Variants in ALPK3 observed in about 807,000 individuals in gnomAD.
ALPK3 encodes alpha-protein kinase 3.
Under a neutral mutation model 140.0 loss-of-function variants are expected in ALPK3, and 102 were observed. The observed-to-expected ratio is 0.73, with a 90% CI of 0.62 to 0.86. The LOEUF (loss-of-function observed/expected upper bound fraction) is 0.86. ALPK3 is among the 40% of genes least tolerant of loss of function. The pLI is 0.00. For missense variants in ALPK3, 2,254 were observed against 2,208.2 expected, an observed-to-expected ratio of 1.02 and a Z score of -0.42; for synonymous variants, 938 against 898.5, an observed-to-expected ratio of 1.04 and a Z score of -0.79.
chr15:84,864,149 A>T (rs1963978928), intron 11 of ALPK3, among the ~76,000 whole-genome samples: 1 of 152,208 alleles, frequency 6.6e-6, no homozygotes, highest in Non-Finnish European at 1.5e-5. Flanking sequence ...TCTGTTTGAC[A>T]CATACATGCC....
rs776845827 is a variant in ALPK3, at chr15:84,858,273, G to C, written c.3535G>C (p.Glu1179Gln). ...TAAGGTCAGAGCAGCAGGAGACGGGGAGGCAACCACACCTGAAGAAAGGGA... is the reference window on the plus strand; with the variant it reads ...TAAGGTCAGAGCAGCAGGAGACGGGCAGGCAACCACACCTGAAGAAAGGGA... ...LPKVRAAGDGEATTPEERESP... is the reference protein window; with the variant it reads ...LPKVRAAGDGQATTPEERESP... Residue 1179 changes from glutamate (E) to glutamine (Q), a missense_variant, in exon 6 of 14, where the codon GAG becomes CAG. By Grantham distance (29) the Glu-to-Gln change is conservative (BLOSUM62 2). This residue lies in a region of ALPK3 where 2,088 missense variants were observed against 2,022.9 expected (regional missense o/e 1.03). Coordinates refer to ENST00000258888, the MANE Select transcript of ALPK3 (RefSeq NM_020778.5). 6.3e-7 allele frequency: 1 copy of C among 1,592,388 alleles called. No homozygotes were observed. The highest frequency in any genetic ancestry group is 8.6e-7 in the Non-Finnish European group (1 of 1,169,542).
intron 5 of ALPK3, among the ~76,000 whole-genome samples, chr15:84,845,367 G>T (rs1280294885): frequency 6.6e-6 from 1 of 152,090 alleles, no homozygotes; most frequent in Admixed American, 6.6e-5. Context: ...CTAAGAGTGG[G>T]ACAAGTCCCT....
intron 11 of ALPK3, 143 bp from the exon 12 acceptor site, chr15:84,864,299 C>T: frequency 1.2e-6 from 1 of 834,728 alleles, no homozygotes; most frequent in Non-Finnish European, 1.9e-6. Flanking sequence ...GAGCTGCTTT[C>T]CTTTGCTGTC....
chr15:84,821,489 G>A (rs1322627478), intron 1 of ALPK3, among the ~76,000 whole-genome samples: 1 of 152,226 alleles, frequency 6.6e-6, no homozygotes, highest in Non-Finnish European at 1.5e-5. Context: ...TTTATGGTCA[G>A]GAAAGGATGG....
chr15:84,855,674 C>T (rs138354161), intron 5 of ALPK3, among the ~76,000 whole-genome samples: 1 of 152,188 alleles, frequency 6.6e-6, no homozygotes, highest in African/African-American at 2.4e-5. Context: ...GTGGACAGAT[C>T]ACATGCCTTC....
At chr15:84,847,787 T>C (rs1217538534) in intron 5 of ALPK3, among the ~76,000 whole-genome samples, 5 of 152,154 alleles carry the variant, frequency 3.3e-5, no homozygotes, top group Non-Finnish European at 7.4e-5. Flanking sequence ...GGCTGGGAGC[T>C]GTGGCTCACG....
chr15:84,852,531 G>A (rs528375932), intron 5 of ALPK3: 7 of 292,362 alleles, frequency 2.4e-5, no homozygotes, highest in African/African-American at 1.1e-4. Flanking sequence ...TACCACCATC[G>A]AGTGCCATGG....
At position 84,858,399 on chromosome 15, in the gene ALPK3, G is replaced by T; in HGVS notation, c.3661G>T (p.Ala1221Ser). 2 of 1,555,906 alleles carry T rather than the reference G, an allele frequency of 1.3e-6. No homozygotes were observed. The highest frequency in any genetic ancestry group is 1.7e-6 in the Non-Finnish European group (2 of 1,152,064). Residue 1221 changes from alanine (A) to serine (S), a missense_variant, in exon 6 of 14, where the codon GCG (alanine) becomes TCG (serine). Physicochemically the swap from Ala to Ser is moderately conservative, Grantham distance 99 (BLOSUM62 1). Coordinates refer to ENST00000258888, the MANE Select transcript of ALPK3 (RefSeq NM_020778.5). The stretch of plus-strand genomic sequence containing the variant: ...ACGCTCCCCTACGCAGGGCAGAAAG[G>T]CGAGCATGCTGGAGGTGCCTCGGGC... ...ERRSPTQGRK[A>S]SMLEVPRAEE... is the part of the protein sequence containing the mutation.
intron 2 of ALPK3, among the ~76,000 whole-genome samples, chr15:84,824,327 C>T (rs1963461688): frequency 6.6e-6 from 1 of 152,178 alleles, no homozygotes; most frequent in East Asian, 1.9e-4. Context: ...GTCTTCTTGC[C>T]TCCTGAACTG....
At chr15:84,855,291 C>T (rs920977700) in intron 5 of ALPK3, among the ~76,000 whole-genome samples, 15 of 152,222 alleles carry the variant, frequency 9.9e-5, no homozygotes, top group African/African-American at 3.4e-4. Flanking sequence ...TGCTGAACAG[C>T]TCCACTCTCC....
At chr15:84,841,503 C>T (rs762753381) in intron 5 of ALPK3, among the ~76,000 whole-genome samples, 1 of 152,188 alleles carries the variant, frequency 6.6e-6, no homozygotes, top group Non-Finnish European at 1.5e-5. Context: ...ATAACAATAC[C>T]TACTTCGTAG....
chr15:84,862,745 G>T lies in ALPK3; in HGVS notation c.4240G>T (p.Gly1414Cys). The stretch of plus-strand genomic sequence containing the variant: ...ACTGGTAAGCGAGGAGCTCCGAGGG[G>T]GTGGATATGGGTGTGGCCTTCGGAA... ...GRLVSEELRG[G>C]GYGCGLRKAS... is the part of the protein sequence containing the mutation. Residue 1414 changes from glycine to cysteine, a missense_variant, in exon 10 of 14, where the codon GGT (glycine) becomes TGT (cysteine). Gly to Cys is a radical substitution (Grantham distance 159). Transcript: ENST00000258888. The T allele has an allele frequency of 6.2e-7, 1 of 1,614,150 alleles. No homozygotes were observed. The highest frequency in any genetic ancestry group is 8.5e-7 in the Non-Finnish European group (1 of 1,180,024).
intron 1 of ALPK3, among the ~76,000 whole-genome samples, 198 bp downstream of exon 1, chr15:84,817,793 C>T (rs1310981411): frequency 2.0e-5 from 3 of 152,200 alleles, no homozygotes; most frequent in South Asian, 2.1e-4. Context: ...GATCCATGCG[C>T]CTCAGGCCTC....
chr15:84,863,865 C>A (rs761922483), intron 11 of ALPK3, among the ~76,000 whole-genome samples: 53 of 152,324 alleles, frequency 3.5e-4, no homozygotes, highest in Middle Eastern at 3.4e-3. Flanking sequence ...TCCCGCCCAC[C>A]CCGGTTCCTC....
intron 5 of ALPK3, among the ~76,000 whole-genome samples, chr15:84,849,801 A>G (rs1281798853): frequency 6.6e-6 from 1 of 152,114 alleles, no homozygotes; most frequent in East Asian, 1.9e-4. Context: ...ATTAGAAAAG[A>G]AAAAGGATCT....
Position 84,823,343 on chromosome 15 carries a change from C to G in ALPK3, c.157C>G (p.Arg53Gly), listed in dbSNP as rs759865340. 2 of 1,614,120 alleles carry G rather than the reference C, an allele frequency of 1.2e-6. No individual in the cohort carries two copies. Among genetic ancestry groups the G allele is most frequent in the Non-Finnish European group, 1.7e-6 (2 of 1,180,034 alleles). Residue 53 changes from arginine to glycine, a missense_variant, in exon 2 of 14, where the codon CGG (arginine) becomes GGG (glycine). Physicochemically the swap from Arg to Gly is moderately radical, Grantham distance 125. Transcript: ENST00000258888. ...GTTTTTGCTTAGCTTATCAAGCAAC[C>G]GGTTGTCTCACCCCAGCTCTGGAAG... ...VRPETSLSSN[R>G]LSHPSSGRST... is the part of the protein sequence containing the mutation.
At chr15:84,864,239 A>G (rs951263617) in intron 11 of ALPK3, among the ~76,000 whole-genome samples, 2 of 152,182 alleles carry the variant, frequency 1.3e-5, no homozygotes, top group Non-Finnish European at 2.9e-5. Context: ...AAGAGAATGG[A>G]CAGGACTCTG....
chr15:84,860,808 C>T (rs370164003), intron 9 of ALPK3, among the ~76,000 whole-genome samples: 4 of 152,174 alleles, frequency 2.6e-5, no homozygotes, highest in African/African-American at 4.8e-5. Context: ...CTGCAACCTC[C>T]GCTTCCTGGG....
chr15:84,859,307 G>T lies in ALPK3; in HGVS notation c.3882G>T (p.Leu1294=). 2 of 1,614,194 alleles carry T rather than the reference G, an allele frequency of 1.2e-6. No individual in the cohort carries two copies. Among genetic ancestry groups the T allele is most frequent in the Non-Finnish European group, 1.7e-6 (2 of 1,180,022 alleles). The change falls in exon 7 of 14, where the codon CTG becomes CTT. Residue 1294 remains leucine, a synonymous_variant. Coordinates refer to ENST00000258888, the MANE Select transcript of ALPK3 (RefSeq NM_020778.5). The stretch of plus-strand genomic sequence containing the variant: ...CTGATGCCTCCGGTAGCCTGAAGCT[G>T]TGGTGCCAGTTTTTCAACATTCTTA... ...QFPDASGSLK[L]WCQFFNILSD...
Sources: gnomAD v4.1 joint callset for allele counts (sites outside exome capture counted in the v4.1 genomes callset) on GRCh38, gnomAD v4.1.1 for gene constraint, gnomAD v4.1.1 regional missense constraint, MANE v1.5 for transcripts, NCBI Gene and HGNC (gene_info 2026-07-23, HGNC 2026-07-21) for gene names.